ZNF444: variants seen among roughly 807,000 people sequenced by gnomAD.
ZNF444 encodes the protein endothelial zinc finger protein 2.
In ZNF444, 8 loss-of-function variants were observed where a neutral mutation model predicts 14.4. That is an observed-to-expected ratio of 0.56 (90% confidence interval 0.33 to 1.00). The LOEUF (loss-of-function observed/expected upper bound fraction) is 1.00. Ranked by LOEUF, ZNF444 falls within the 50% of genes least tolerant of loss-of-function variation. ZNF444 has a pLI of 0.03. For synonymous variants in ZNF444, 258 were observed against 235.9 expected (o/e 1.09, Z -0.86); for missense variants, 510 against 504.8 (o/e 1.01, Z -0.10).
At chr19:56,141,624 A>T (rs1276993885) in intron 1 of ZNF444, 5 of 57,962 alleles carry the variant, frequency 8.6e-5, no homozygotes, top group Admixed American at 1.9e-4. Flanking sequence ...ATGCTGAGGG[A>T]GAGGACGGGG....
At chr19:56,159,001 CATCT>C (rs2032085943) in intron 4 of ZNF444, among the ~76,000 whole-genome samples, 1 of 151,428 alleles carries the variant, frequency 6.6e-6, no homozygotes, top group Non-Finnish European at 1.5e-5. Flanking sequence ...CCCATCCATC[CATCT>C]ACTCATCCAC....
Position 56,147,208 on chromosome 19 carries a change from G to T in ZNF444, c.297G>T (p.Trp99Cys). 1 of 1,435,610 alleles carries T rather than the reference G, an allele frequency of 7.0e-7. No individual in the cohort carries two copies. 88.9% of individuals were successfully genotyped at this position (1,435,610 alleles called of 1,614,324 possible). A position where few individuals can be genotyped will look rare whatever the true frequency, so the allele number is the denominator to read the frequency against. ...CGGTGGCCCTGCTGGAGGAGCTCTGGGTGAGCCTGGCGGGACTGCAAGCGG... is the reference window on the plus strand; with the variant it reads ...CGGTGGCCCTGCTGGAGGAGCTCTGTGTGAGCCTGGCGGGACTGCAAGCGG... ...EEAVALLEEL[W>C]GPAASPDGSS... Residue 99 changes from tryptophan to cysteine, a missense_variant and splice_region_variant, in exon 3 of 5, where the codon TGG becomes TGT. Transcript: ENST00000337080. The surrounding 1 kb of genome is among the most constrained non-coding windows in gnomAD (Gnocchi z 5.9).
chr19:56,145,400 A>G lies in ZNF444; in HGVS notation c.-196-847A>G, dbSNP rs900111493. The stretch of plus-strand genomic sequence containing the variant: ...CAGGAGTTTGAGACCAGTCTGGCCA[A>G]CCTGGCGAAACCCCGTCTCTACTAA... On this transcript the variant is annotated intron_variant, in intron 1 of 4. Coordinates refer to ENST00000337080, the MANE Select transcript of ZNF444 (RefSeq NM_018337.4). This position sits in a 1 kb window ranked among gnomAD's most constrained non-coding sequence, Gnocchi z 4.3. Among the ~76,000 whole-genome samples, 1 of 152,212 alleles carries G rather than the reference A, an allele frequency of 6.6e-6. No homozygotes were observed. The highest frequency in any genetic ancestry group is 2.4e-5 in the African/African-American group (1 of 41,452).
At chr19:56,159,286 C>T (rs1348575826) in intron 4 of ZNF444, among the ~76,000 whole-genome samples, 5 of 151,934 alleles carry the variant, frequency 3.3e-5, no homozygotes, top group Admixed American at 1.3e-4. Flanking sequence ...TCCACCCACG[C>T]ATTCTTCATC....
rs1334866339 is a variant in ZNF444 at position 56,160,160 on chromosome 19, C to G, written c.943C>G (p.Pro315Ala). 6.7e-7 allele frequency: 1 copy of G among 1,481,540 alleles called. No homozygotes were observed. Among genetic ancestry groups the G allele is most frequent in the Non-Finnish European group, 8.9e-7 (1 of 1,125,320 alleles). The allele number at this position is 1,481,540 out of a possible 1,614,324, so 91.8% of individuals were successfully genotyped here. A position where few individuals can be genotyped will look rare whatever the true frequency, so the allele number is the denominator to read the frequency against. Residue 315 changes from proline to alanine, a missense_variant, in exon 5 of 5, where the codon CCG becomes GCG. Physicochemically the swap from Pro to Ala is conservative, Grantham distance 27 (BLOSUM62 -1). Coordinates refer to ENST00000337080, the MANE Select transcript of ZNF444 (RefSeq NM_018337.4). ...CGCGCAGGGGGCGGTAGCTCCGGGC[C>G]CGGATGGTGGAGGCCCCTTCCCGCC... ...ASAQGAVAPG[P>A]DGGGPFPPWP...
intron 3 of ZNF444, chr19:56,150,553 C>T (rs569034458): frequency 1.2e-5 from 5 of 413,708 alleles, no homozygotes; most frequent in East Asian, 7.1e-5. Context: ...ATAACACTGC[C>T]GTGAGTGATG....
chr19:56,159,835 G>A lies in ZNF444; in HGVS notation c.618G>A (p.Pro206=). The change falls in exon 5 of 5, where the codon CCG becomes CCA. Residue 206 remains proline, a synonymous_variant. Coordinates refer to ENST00000337080, the MANE Select transcript of ZNF444 (RefSeq NM_018337.4). Reference sequence around the variant, plus strand: ...GGCAGAGCCACTCGGGCGAGAAGCCGCACGCCTGCCCTGAGTGCGGGAAGG... The same window carrying A: ...GGCAGAGCCACTCGGGCGAGAAGCCACACGCCTGCCCTGAGTGCGGGAAGG... The part of the protein sequence containing the change: ...RHRQSHSGEK[P]HACPECGKAF... The A allele has an allele frequency of 1.3e-6, 2 of 1,565,886 alleles. No homozygotes were observed. The highest frequency in any genetic ancestry group is 8.6e-7 in the Non-Finnish European group (1 of 1,162,230).
chr19:56,160,468 C>T lies in ZNF444; in HGVS notation c.*267C>T, dbSNP rs1402923219. ...CTCTCTCTGTGTGAAGGGGCCTCTC[C>T]CTAATGTCTCCTCCTTCCCCCCTCT... is the stretch of plus-strand genomic sequence containing the variant. On this transcript the variant is annotated 3_prime_UTR_variant, in exon 5 of 5. Coordinates refer to ENST00000337080, the MANE Select transcript of ZNF444 (RefSeq NM_018337.4). The T allele has an allele frequency of 2.3e-6, 1 of 436,584 alleles. No homozygotes were observed. The highest frequency in any genetic ancestry group is 4.0e-6 in the Non-Finnish European group (1 of 248,106). The allele number at this position is 436,584 out of a possible 1,614,324, so 27.0% of individuals were successfully genotyped here.
chr19:56,143,337 A>G (rs1275800114), intron 1 of ZNF444: 1 of 152,264 alleles, frequency 6.6e-6, no homozygotes, highest in Non-Finnish European at 1.5e-5. Context: ...AAACAGGGTC[A>G]GCTTGATGGC....
At chr19:56,159,336 G>A (rs532650302) in intron 4 of ZNF444, among the ~76,000 whole-genome samples, 1 of 150,522 alleles carries the variant, frequency 6.6e-6, no homozygotes, top group Non-Finnish European at 1.5e-5. Context: ...TCCATCATCG[G>A]TCCATTCATC....
In ZNF444 at chr19:56,152,981, T is replaced by C. The variant is rs114727251; in HGVS notation, c.298-5513T>C. Among the ~76,000 whole-genome samples, 1,211 of 152,280 alleles carry C rather than the reference T, an allele frequency of 8.0e-3. 8 individuals carry two copies. Among genetic ancestry groups the C allele is most frequent in the African/African-American group, 0.027 (1,114 of 41,542 alleles). ...TTCTGTCCATTTTCAGACTGGGTTGTTTTCTTGCCCTGGAGATTCCTTCAT... is the reference window on the plus strand; with the variant it reads ...TTCTGTCCATTTTCAGACTGGGTTGCTTTCTTGCCCTGGAGATTCCTTCAT... On this transcript the variant is annotated intron_variant, in intron 3 of 4. Transcript: ENST00000337080.
rs915681474 is a variant in ZNF444, at chr19:56,147,466, C to T, written c.297+258C>T. ...TCTCTAGGACTCACAGCCGTGTTCACGGTCACGGCTTATCAGAGAAGGACG... is the reference window on the plus strand; with the variant it reads ...TCTCTAGGACTCACAGCCGTGTTCATGGTCACGGCTTATCAGAGAAGGACG... On this transcript the variant is annotated intron_variant, in intron 3 of 4. Coordinates refer to ENST00000337080, the MANE Select transcript of ZNF444 (RefSeq NM_018337.4). This position sits in a 1 kb window ranked among gnomAD's most constrained non-coding sequence, Gnocchi z 5.9. Among the ~76,000 whole-genome samples the T allele has an allele frequency of 6.6e-6, 1 of 152,160 alleles. No individual in the cohort carries two copies. Among genetic ancestry groups the T allele is most frequent in the African/African-American group, 2.4e-5 (1 of 41,434 alleles).
intron 1 of ZNF444, chr19:56,142,472 T>G (rs1206252392): frequency 3.3e-5 from 5 of 152,198 alleles, no homozygotes; most frequent in African/African-American, 1.2e-4. Flanking sequence ...TGGAGACTTT[T>G]TTTTTGGTTT....
chr19:56,145,268 A>G lies in ZNF444; in HGVS notation c.-196-979A>G, dbSNP rs1032364101. On this transcript the variant is annotated intron_variant, in intron 1 of 4. Transcript: ENST00000337080. The surrounding 1 kb of genome is among the most constrained non-coding windows in gnomAD (Gnocchi z 4.3). Reference sequence around the variant, plus strand: ...AGTAGAAACCAAAACAGAAAATTGTAAAGTATTTATTAATGCATTTAAAAA... The same window carrying G: ...AGTAGAAACCAAAACAGAAAATTGTGAAGTATTTATTAATGCATTTAAAAA... Among the ~76,000 whole-genome samples the G allele has an allele frequency of 3.9e-5, 6 of 152,232 alleles. No homozygotes were observed. Among genetic ancestry groups the G allele is most frequent in the African/African-American group, 9.6e-5 (4 of 41,458 alleles).
At chr19:56,139,641 G>A (rs570155960), upstream of ZNF444, among the ~76,000 whole-genome samples, 11 of 149,722 alleles carry the variant, frequency 7.3e-5, no homozygotes, top group South Asian at 1.7e-3. Context: ...AGCTGTGATC[G>A]CACCACTGCA....
chr19:56,147,315 C>T lies in ZNF444; in HGVS notation c.297+107C>T. 7.8e-7 allele frequency: 1 copy of T among 1,282,516 alleles called. No homozygotes were observed. The highest frequency in any genetic ancestry group is 1.0e-6 in the Non-Finnish European group (1 of 989,316). 79.4% of individuals were successfully genotyped at this position (1,282,516 alleles called of 1,614,324 possible). On this transcript the variant is annotated intron_variant, in intron 3 of 4. Coordinates refer to ENST00000337080, the MANE Select transcript of ZNF444 (RefSeq NM_018337.4). This position sits in a 1 kb window ranked among gnomAD's most constrained non-coding sequence, Gnocchi z 5.9. Reference sequence around the variant, plus strand: ...ACTGAACCCCTGAAAACCAGTGTGACTCGCGGTGGGGAGGCTGCGGTACAG... The same window carrying T: ...ACTGAACCCCTGAAAACCAGTGTGATTCGCGGTGGGGAGGCTGCGGTACAG...
chr19:56,133,274 T>C (rs2030531546), intron 1 of ZNF444, among the ~76,000 whole-genome samples: 1 of 151,260 alleles, frequency 6.6e-6, no homozygotes, highest in Non-Finnish European at 1.5e-5. Flanking sequence ...GGTTTCACCA[T>C]GTTGGCTAGA....
upstream of ZNF444, among the ~76,000 whole-genome samples, chr19:56,137,157 G>A (rs972452719): frequency 2.0e-5 from 3 of 151,684 alleles, no homozygotes; most frequent in African/African-American, 7.3e-5. Flanking sequence ...GAGAACTGCT[G>A]TGTTAGAGGA....
chr19:56,147,746 A>T lies in ZNF444; in HGVS notation c.297+538A>T, dbSNP rs765708296. 6.6e-5 allele frequency among the ~76,000 whole-genome samples: 10 copies of T among 152,092 alleles called. No individual in the cohort carries two copies. The highest frequency in any genetic ancestry group is 1.2e-4 in the Non-Finnish European group (8 of 68,028). ...TTCATCTTGCTTTTGGGCTGGCCTG[A>T]GTCCCCCGGGGCAGGCAGACCCTCC... is the stretch of plus-strand genomic sequence containing the variant. On this transcript the variant is annotated intron_variant, in intron 3 of 4. Transcript: ENST00000337080. The surrounding 1 kb of genome is among the most constrained non-coding windows in gnomAD (Gnocchi z 5.9).
Sources: gnomAD v4.1 joint callset for allele counts (sites outside exome capture counted in the v4.1 genomes callset) on GRCh38, gnomAD v4.1.1 for gene constraint, Gnocchi (gnomAD v3.1) non-coding constraint, MANE v1.5 for transcripts, NCBI Gene and HGNC (gene_info 2026-07-23, HGNC 2026-07-21) for gene names.